The following BAK1 variants were observed in gnomAD, a reference collection of about 807,000 sequenced individuals.
BAK1 encodes the protein bcl-2 homologous antagonist/killer.
BAK1 carries 19 observed loss-of-function variants against 24.7 expected under a neutral mutation model. That is an observed-to-expected ratio of 0.77 (90% CI 0.54 to 1.13). BAK1 has a LOEUF of 1.13. BAK1 is among the 50% of genes most tolerant of loss of function. The pLI is 0.00. For synonymous variants in BAK1, 86 were observed against 107.3 expected, an observed-to-expected ratio of 0.80 and a Z score of 1.23; for missense variants, 194 against 279.4, an observed-to-expected ratio of 0.69 and a Z score of 2.18.
Position 33,574,185 on chromosome 6 carries a change from C to G in BAK1, c.380G>C (p.Arg127Pro), listed in dbSNP as rs764437421. 35 of 1,613,922 alleles carry G rather than the reference C, an allele frequency of 2.2e-5. No homozygotes were observed. Among genetic ancestry groups the G allele is most frequent in the Non-Finnish European group, 3.0e-5 (35 of 1,179,976 alleles). Residue 127 changes from arginine to proline, a missense_variant, in exon 5 of 6, where the codon CGT becomes CCT. Coordinates refer to ENST00000374467, the MANE Select transcript of BAK1 (RefSeq NM_001188.4). ...SLFESGINWG[R>P]VVALLGFGYR... ...GCCGAAGCCCAGAAGAGCCACCACA[C>G]GGCCCCAATTGATGCCACTCTCAAA...
Position 33,574,022 on chromosome 6 carries a change from T to C in BAK1, c.531+12A>G, listed in dbSNP as rs1464135653. ...AACAGCAGGGAGGACATTGCAGTCC[T>C]TGGATACTCACCCAGCCACCCCTCT... On this transcript the variant is annotated intron_variant, in intron 5 of 5. Coordinates refer to ENST00000374467, the MANE Select transcript of BAK1 (RefSeq NM_001188.4). 5 of 1,613,486 alleles carry C rather than the reference T, an allele frequency of 3.1e-6. No individual in the cohort carries two copies. The African/African-American group carries it at 5.3e-5, about 17-fold the overall frequency.
At position 33,577,258 on chromosome 6, in the gene BAK1, G is replaced by A. The variant is rs983928585; in HGVS notation, c.70+277C>T. ...CCCCACTCTAATTCCTGCCTCCCTCGCCCGTGACCCAGCCCTCTGCCCCGG... is the reference window on the plus strand; with the variant it reads ...CCCCACTCTAATTCCTGCCTCCCTCACCCGTGACCCAGCCCTCTGCCCCGG... On this transcript the variant is annotated intron_variant, in intron 2 of 5. Coordinates refer to ENST00000374467, the MANE Select transcript of BAK1 (RefSeq NM_001188.4). The surrounding 1 kb of genome is among the most constrained non-coding windows in gnomAD (Gnocchi z 4.6). 1.3e-5 allele frequency among the ~76,000 whole-genome samples: 2 copies of A among 152,000 alleles called. No homozygotes were observed. Among genetic ancestry groups the A allele is most frequent in the East Asian group, 1.9e-4 (1 of 5,172 alleles).
In BAK1 at chr6:33,577,659, C is replaced by T; in HGVS notation, c.-31-24G>A. 2.7e-6 allele frequency: 4 copies of T among 1,475,682 alleles called. No homozygotes were observed. Among genetic ancestry groups the T allele is most frequent in the Non-Finnish European group, 3.7e-6 (4 of 1,085,432 alleles). The allele number at this position is 1,475,682 out of a possible 1,614,324, so 91.4% of individuals were successfully genotyped here. Reference sequence around the variant, plus strand: ...GCCTGCGGGGAAGGGCGAGAAAAAGCAGAGATGGGGGTGAGCACAGACCTG... The same window carrying T: ...GCCTGCGGGGAAGGGCGAGAAAAAGTAGAGATGGGGGTGAGCACAGACCTG... On this transcript the variant is annotated intron_variant, in intron 1 of 5. Coordinates refer to ENST00000374467, the MANE Select transcript of BAK1 (RefSeq NM_001188.4). This position sits in a 1 kb window ranked among gnomAD's most constrained non-coding sequence, Gnocchi z 4.6.
Position 33,577,559 on chromosome 6 carries a change from C to T in BAK1, c.46G>A (p.Glu16Lys), listed in dbSNP as rs773859939. 4 of 1,549,204 alleles carry T rather than the reference C, an allele frequency of 2.6e-6. No homozygotes were observed. Among genetic ancestry groups the T allele is most frequent in the Non-Finnish European group, 3.5e-6 (4 of 1,145,630 alleles). Reference sequence around the variant, plus strand: ...CCAGAAGCAGAGGGCAGGGCAGGCTCTCCGCACTCCTGCCTGGGAGGACCT... The same window carrying T: ...CCAGAAGCAGAGGGCAGGGCAGGCTTTCCGCACTCCTGCCTGGGAGGACCT... ...GPGPPRQECGEPALPSASEEQ... is the reference protein window; with the variant it reads ...GPGPPRQECGKPALPSASEEQ... The change falls in exon 2 of 6, where the codon GAG (glutamate) becomes AAG (lysine). Residue 16 changes from glutamate (E) to lysine (K), a missense_variant. Transcript: ENST00000374467. The surrounding 1 kb of genome is among the most constrained non-coding windows in gnomAD (Gnocchi z 4.6).
intron 2 of BAK1, among the ~76,000 whole-genome samples, chr6:33,576,187 G>C (rs1425948992): frequency 6.6e-6 from 1 of 152,126 alleles, no homozygotes; most frequent in East Asian, 1.9e-4. Flanking sequence ...AATTAGCCGG[G>C]TGTGGTGGCA....
chr6:33,577,852 G>A lies in BAK1; in HGVS notation c.-31-217C>T, dbSNP rs1401309211. Among the ~76,000 whole-genome samples, 7 of 152,166 alleles carry A rather than the reference G, an allele frequency of 4.6e-5. No homozygotes were observed. The highest frequency in any genetic ancestry group is 3.3e-4 in the Admixed American group (5 of 15,278). On this transcript the variant is annotated intron_variant, in intron 1 of 5. Coordinates refer to ENST00000374467, the MANE Select transcript of BAK1 (RefSeq NM_001188.4). This position sits in a 1 kb window ranked among gnomAD's most constrained non-coding sequence, Gnocchi z 4.6. ...GCTGGGATTACAGGTGTGAGCCACCGTGCCTGGCCTCCTCTGGGACTTTTT... is the reference window on the plus strand; with the variant it reads ...GCTGGGATTACAGGTGTGAGCCACCATGCCTGGCCTCCTCTGGGACTTTTT...
intron 4 of BAK1, chr6:33,574,635 G>T: frequency 1.1e-6 from 1 of 924,966 alleles, no homozygotes; most frequent in Non-Finnish European, 1.5e-6. Context: ...GGATATTTCA[G>T]CTCTGAGCAC....
chr6:33,577,859 GCCT>G lies in BAK1; in HGVS notation c.-31-227_-31-225del, dbSNP rs1433450295. Among the ~76,000 whole-genome samples the G allele has an allele frequency of 6.6e-6, 1 of 152,178 alleles. No homozygotes were observed. Among genetic ancestry groups the G allele is most frequent in the East Asian group, 1.9e-4 (1 of 5,194 alleles). On this transcript the variant is annotated intron_variant, in intron 1 of 5. Transcript: ENST00000374467. The surrounding 1 kb of genome is among the most constrained non-coding windows in gnomAD (Gnocchi z 4.6). ...TTACAGGTGTGAGCCACCGTGCCTG[GCCT>G]CCTCTGGGACTTTTTATTCTTACTC...
rs148199579 is a variant in BAK1 at position 33,574,078 on chromosome 6, G to C, written c.487C>G (p.Leu163Val). 304 of 1,614,248 alleles carry C rather than the reference G, an allele frequency of 1.9e-4. 2 individuals are homozygous for C. The African/African-American group carries it at 3.4e-3, about 18-fold the overall frequency. The change falls in exon 5 of 6, where the codon CTG becomes GTG. Residue 163 changes from leucine (L) to valine (V), a missense_variant. Leu to Val is a conservative substitution (Grantham distance 32, BLOSUM62 1). Transcript: ENST00000374467. Reference protein sequence around the residue: ...QVTRFVVDFMLHHCIARWIAQ... With the variant: ...QVTRFVVDFMVHHCIARWIAQ... ...ATCCACCGGGCAATGCAGTGATGCA[G>C]CATGAAGTCGACCACGAAGCGGGTC...
At chr6:33,579,726 G>A (rs937659264) in intron 1 of BAK1, among the ~76,000 whole-genome samples, 3 of 152,190 alleles carry the variant, frequency 2.0e-5, no homozygotes, top group Non-Finnish European at 4.4e-5. Flanking sequence ...AGCAGCAAGC[G>A]CTGAGAAAGT....
Position 33,577,490 on chromosome 6 carries a change from G to T in BAK1, c.70+45C>A. ...TCCTGCTCCTTCCATCCTCACGACA[G>T]CACTCATGGTTATGGGATGGGTGAG... On this transcript the variant is annotated intron_variant, in intron 2 of 5. Coordinates refer to ENST00000374467, the MANE Select transcript of BAK1 (RefSeq NM_001188.4). This position sits in a 1 kb window ranked among gnomAD's most constrained non-coding sequence, Gnocchi z 4.6. 8.0e-6 allele frequency: 12 copies of T among 1,501,086 alleles called. No homozygotes were observed. The highest frequency in any genetic ancestry group is 1.1e-5 in the Non-Finnish European group (12 of 1,110,302). 93.0% of individuals were successfully genotyped at this position (1,501,086 alleles called of 1,614,324 possible).
At position 33,575,110 on chromosome 6, in the gene BAK1, C is replaced by A; in HGVS notation, c.350+188G>T. 1.2e-6 allele frequency: 1 copy of A among 843,184 alleles called. No homozygotes were observed. The highest frequency in any genetic ancestry group is 1.5e-5 in the South Asian group (1 of 65,496). 52.2% of individuals were successfully genotyped at this position (843,184 alleles called of 1,614,324 possible). On this transcript the variant is annotated intron_variant, in intron 4 of 5. Transcript: ENST00000374467. This position sits in a 1 kb window ranked among gnomAD's most constrained non-coding sequence, Gnocchi z 6.3. ...CTCAAAAGAGCTGTGAGCTAATGCC[C>A]AAAATACAAGTCTGGGACCCCGAAA...
In BAK1 at chr6:33,577,971, G is replaced by A. The variant is rs956367472; in HGVS notation, c.-31-336C>T. ...TGAGGGAGACAGGGTAAGAAGGTGA[G>A]GCAGCCAAGGGCAGACTGAGGTATC... On this transcript the variant is annotated intron_variant, in intron 1 of 5. Transcript: ENST00000374467. The surrounding 1 kb of genome is among the most constrained non-coding windows in gnomAD (Gnocchi z 4.6). Among the ~76,000 whole-genome samples, 1 of 152,212 alleles carries A rather than the reference G, an allele frequency of 6.6e-6. No homozygotes were observed. Among genetic ancestry groups the A allele is most frequent in the Non-Finnish European group, 1.5e-5 (1 of 68,042 alleles).
In BAK1 at chr6:33,574,207, C is replaced by CA. The variant is rs752120911; in HGVS notation, c.357dup (p.Glu120Ter). On this transcript the variant is annotated frameshift_variant, in exon 5 of 6. Transcript: ENST00000374467. LOFTEE classifies it high-confidence loss of function. The stretch of plus-strand genomic sequence containing the variant: ...ACACGGCCCCAATTGATGCCACTCT[C>CA]AAACAGGCTGTGGGCAGAGCATCCC... 2 of 1,613,710 alleles carry CA rather than the reference C, an allele frequency of 1.2e-6. No individual in the cohort carries two copies. Among genetic ancestry groups the CA allele is most frequent in the East Asian group, 2.2e-5 (1 of 44,872 alleles).
rs1225524552 is a variant in BAK1 at position 33,575,729 on chromosome 6, A to G, written c.206+64T>C. 6.3e-7 allele frequency: 1 copy of G among 1,589,554 alleles called. No individual in the cohort carries two copies. Among genetic ancestry groups the G allele is most frequent in the Non-Finnish European group, 8.6e-7 (1 of 1,166,608 alleles). ...CCTCCCCAGCTCCCAGGACCTGCACAGAGACCCATGCGAGCTACTGCCTCC... is the reference window on the plus strand; with the variant it reads ...CCTCCCCAGCTCCCAGGACCTGCACGGAGACCCATGCGAGCTACTGCCTCC... On this transcript the variant is annotated intron_variant, in intron 3 of 5. Coordinates refer to ENST00000374467, the MANE Select transcript of BAK1 (RefSeq NM_001188.4). The surrounding 1 kb of genome is among the most constrained non-coding windows in gnomAD (Gnocchi z 6.3).
chr6:33,578,198 G>T lies in BAK1; in HGVS notation c.-31-563C>A, dbSNP rs1762877207. Among the ~76,000 whole-genome samples the T allele has an allele frequency of 6.6e-6, 1 of 152,204 alleles. No homozygotes were observed. Among genetic ancestry groups the T allele is most frequent in the South Asian group, 2.1e-4 (1 of 4,834 alleles). ...CAGAGGCCCTACTTCCCTCTGGCTG[G>T]CCAGAACACACCTGTTTTTTAACTC... On this transcript the variant is annotated intron_variant, in intron 1 of 5. Coordinates refer to ENST00000374467, the MANE Select transcript of BAK1 (RefSeq NM_001188.4). This position sits in a 1 kb window ranked among gnomAD's most constrained non-coding sequence, Gnocchi z 4.8.
Position 33,575,944 on chromosome 6 carries a change from G to A in BAK1, c.71-16C>T. The A allele has an allele frequency of 6.2e-6, 10 of 1,613,966 alleles. No individual in the cohort carries two copies. The highest frequency in any genetic ancestry group is 6.8e-6 in the Non-Finnish European group (8 of 1,179,906). ...ACCTGCTCCTCTGAGGATCAAAGCT[G>A]GGAGTCAGGGAGAGAGGGCCGAACC... On this transcript the variant is annotated splice_polypyrimidine_tract_variant and intron_variant, in intron 2 of 5. Coordinates refer to ENST00000374467, the MANE Select transcript of BAK1 (RefSeq NM_001188.4). This position sits in a 1 kb window ranked among gnomAD's most constrained non-coding sequence, Gnocchi z 6.3.
Position 33,575,651 on chromosome 6 carries a change from G to A in BAK1, c.206+142C>T. On this transcript the variant is annotated intron_variant, in intron 3 of 5. Coordinates refer to ENST00000374467, the MANE Select transcript of BAK1 (RefSeq NM_001188.4). The surrounding 1 kb of genome is among the most constrained non-coding windows in gnomAD (Gnocchi z 6.3). The stretch of plus-strand genomic sequence containing the variant: ...GGATACAAGGTCCTGGATGGGGGTG[G>A]GAGCCCAACATAAAAGAGGAGCAAC... 2 of 1,390,492 alleles carry A rather than the reference G, an allele frequency of 1.4e-6. No individual in the cohort carries two copies. Among genetic ancestry groups the A allele is most frequent in the African/African-American group, 1.4e-5 (1 of 69,690 alleles). 86.1% of individuals were successfully genotyped at this position (1,390,492 alleles called of 1,614,324 possible).
At position 33,575,202 on chromosome 6, in the gene BAK1, C is replaced by T; in HGVS notation, c.350+96G>A. On this transcript the variant is annotated intron_variant, in intron 4 of 5. Coordinates refer to ENST00000374467, the MANE Select transcript of BAK1 (RefSeq NM_001188.4). The surrounding 1 kb of genome is among the most constrained non-coding windows in gnomAD (Gnocchi z 6.3). ...GACATTGGACACTGACAGAAGGCTT[C>T]TCCCCATGCCAGGAGAGCATCATGC... 1 of 1,568,282 alleles carries T rather than the reference C, an allele frequency of 6.4e-7. No individual in the cohort carries two copies. The highest frequency in any genetic ancestry group is 8.8e-7 in the Non-Finnish European group (1 of 1,139,608).
Sources: allele counts gnomAD v4.1 joint callset (sites outside exome capture counted in the v4.1 genomes callset), GRCh38; gene constraint gnomAD v4.1.1; non-coding constraint Gnocchi (gnomAD v3.1); transcripts MANE v1.5; gene names NCBI Gene and HGNC (gene_info 2026-07-23, HGNC 2026-07-21).